Variants in RGS3 observed in about 807,000 individuals in gnomAD.
The protein encoded by RGS3 is regulator of G protein signaling 3.
A neutral mutation model predicts 132.6 loss-of-function variants in RGS3; 80 were observed. The ratio of observed to expected loss-of-function variants is 0.60; its 90% CI spans 0.50 to 0.73. The LOEUF (loss-of-function observed/expected upper bound fraction) is 0.73. Among genes scored for constraint, RGS3 ranks in the 30% least tolerant of loss-of-function variants. RGS3 has a pLI of 0.00. For missense variants in RGS3, 1,382 were observed against 1,530.8 expected (o/e 0.90, Z 1.62); for synonymous variants, 598 against 620.6 (o/e 0.96, Z 0.54).
At chr9:113,583,542 C>G (rs756586309) in exon 20 of RGS3, 1 of 1,614,192 alleles carries the variant, frequency 6.2e-7, no homozygotes, top group South Asian at 1.1e-5. Flanking sequence ...GCAAGGAGCC[C>G]TCTCCTGGCC....
Position 113,463,812 on chromosome 9 carries a change from T to C in RGS3, c.415+1611T>C. Reference sequence around the variant, plus strand: ...GTCGCAGTGGGACGCCATGGAGCGCTCCCTGCACCGCGTCTCCCTCGGGAG... The same window carrying C: ...GTCGCAGTGGGACGCCATGGAGCGCCCCCTGCACCGCGTCTCCCTCGGGAG... On this transcript the variant is annotated intron_variant, in intron 3 of 24. Coordinates refer to ENST00000350696, the Ensembl canonical transcript of RGS3. The surrounding 1 kb of genome is among the most constrained non-coding windows in gnomAD (Gnocchi z 4.6). 6.2e-7 allele frequency: 1 copy of C among 1,612,220 alleles called. No homozygotes were observed. Among genetic ancestry groups the C allele is most frequent in the African/African-American group, 1.3e-5 (1 of 74,972 alleles).
chr9:113,507,726 G>C lies in RGS3; in HGVS notation c.1437+88G>C. The C allele has an allele frequency of 8.8e-7, 1 of 1,134,014 alleles. No individual in the cohort carries two copies. The highest frequency in any genetic ancestry group is 1.2e-6 in the Non-Finnish European group (1 of 825,338). 70.2% of individuals were successfully genotyped at this position (1,134,014 alleles called of 1,614,324 possible). A position where few individuals can be genotyped will look rare whatever the true frequency, so the allele number is the denominator to read the frequency against. ...TTGAAGACCCAAAGTTGTGTGATGAGCAGCCTGTGAGGGGCTGCGATGTTG... is the reference window on the plus strand; with the variant it reads ...TTGAAGACCCAAAGTTGTGTGATGACCAGCCTGTGAGGGGCTGCGATGTTG... On this transcript the variant is annotated intron_variant, in intron 13 of 24. Coordinates refer to ENST00000350696, the Ensembl canonical transcript of RGS3. The surrounding 1 kb of genome is among the most constrained non-coding windows in gnomAD (Gnocchi z 5.0).
At position 113,584,784 on chromosome 9, in the gene RGS3, T is replaced by C. The variant is rs193156328; in HGVS notation, c.3015+357T>C. Among the ~76,000 whole-genome samples the C allele has an allele frequency of 1.2e-4, 18 of 152,366 alleles. No individual in the cohort carries two copies. In the East Asian group the frequency reaches 3.5e-3, roughly 29 times the overall value. ...ACAGCCTAGCCAGACTAGAAATCCA[T>C]CAGCCAGTCACAATGACAACACACA... On this transcript the variant is annotated intron_variant, in intron 20 of 24. Transcript: ENST00000350696.
At position 113,507,068 on chromosome 9, in the gene RGS3, C is replaced by T. The variant is rs1831160540; in HGVS notation, c.1086-219C>T. ...AAACTGGCCTGGCCTCAGGGTCCTT[C>T]TCAACCACTGCCCGTCAATAGGAAT... is the stretch of plus-strand genomic sequence containing the variant. On this transcript the variant is annotated intron_variant, in intron 12 of 24. Coordinates refer to ENST00000350696, the Ensembl canonical transcript of RGS3. This position sits in a 1 kb window ranked among gnomAD's most constrained non-coding sequence, Gnocchi z 5.0. Among the ~76,000 whole-genome samples the T allele has an allele frequency of 6.6e-6, 1 of 152,204 alleles. No homozygotes were observed. The highest frequency in any genetic ancestry group is 2.4e-5 in the African/African-American group (1 of 41,440).
chr9:113,488,727 G>T (rs144579473), intron 7 of RGS3, among the ~76,000 whole-genome samples: 2 of 152,216 alleles, frequency 1.3e-5, no homozygotes, highest in Non-Finnish European at 2.9e-5. Context: ...CCAAACTCAC[G>T]GTCACAGTCC....
chr9:113,592,460 A>G (rs1230376687), intron 21 of RGS3: 1 of 151,722 alleles, frequency 6.6e-6, no homozygotes, highest in Non-Finnish European at 1.5e-5. Context: ...CCTCCTTTCA[A>G]TGTAGGTGCT....
chr9:113,544,674 C>G (rs185717477), intron 19 of RGS3, among the ~76,000 whole-genome samples: 209 of 152,332 alleles, frequency 1.4e-3, no homozygotes, highest in African/African-American at 4.9e-3. Context: ...TGATCTCCCC[C>G]CAGCCTCCCA....
At chr9:113,541,738 G>A (rs559277093) in intron 19 of RGS3, 3 of 1,042,944 alleles carry the variant, frequency 2.9e-6, no homozygotes, top group African/African-American at 1.7e-5. Context: ...GGTGGCTCCC[G>A]GACCTGCCTT....
At chr9:113,555,447 G>A (rs1833529323) in intron 19 of RGS3, among the ~76,000 whole-genome samples, 1 of 151,752 alleles carries the variant, frequency 6.6e-6, no homozygotes, top group Non-Finnish European at 1.5e-5. Flanking sequence ...ATAATTGTCT[G>A]GAATTTCGGT....
chr9:113,508,723 C>T (rs1325298354), intron 14 of RGS3, 143 bp downstream of exon 12: 2 of 743,002 alleles, frequency 2.7e-6, no homozygotes, highest in South Asian at 3.3e-5. Context: ...GACTCTCTTT[C>T]CACGTGGTAC....
At chr9:113,514,868 C>A (rs1247101841) in intron 15 of RGS3, among the ~76,000 whole-genome samples, 2 of 152,112 alleles carry the variant, frequency 1.3e-5, no homozygotes, top group African/African-American at 2.4e-5. Context: ...GCCGGGATAG[C>A]CCAGTAAGGA....
intron 19 of RGS3, among the ~76,000 whole-genome samples, chr9:113,561,954 T>C (rs1395397852): frequency 2.0e-5 from 3 of 152,200 alleles, no homozygotes; most frequent in Admixed American, 1.3e-4. Context: ...GTCCTAGCCC[T>C]GGGAGCTGCT....
rs1833984514 is a variant in RGS3, at chr9:113,565,911, G to GTC, written c.2038-17538_2038-17537insCT. On this transcript the variant is annotated intron_variant, in intron 19 of 24. Transcript: ENST00000350696. The surrounding 1 kb of genome is among the most constrained non-coding windows in gnomAD (Gnocchi z 5.7). ...TGTGTGTGTGTGTGTGTGTGTGTGT[G>GTC]TGTGTCTGTCTGTCTGTCTGTCTCA... Among the ~76,000 whole-genome samples, 10 of 148,688 alleles carry GTC rather than the reference G, an allele frequency of 6.7e-5. No individual in the cohort carries two copies. Among genetic ancestry groups the GTC allele is most frequent in the African/African-American group, 2.2e-4 (9 of 40,736 alleles).
In RGS3 at chr9:113,539,029, T is replaced by G. The variant is rs189887369; in HGVS notation, c.2037+2111T>G. Reference sequence around the variant, plus strand: ...GCAACTTACTCCTTCTAGACACTTATGGAATGCTCCCTGAGAGGAATTCCA... The same window carrying G: ...GCAACTTACTCCTTCTAGACACTTAGGGAATGCTCCCTGAGAGGAATTCCA... On this transcript the variant is annotated intron_variant, in intron 19 of 24. Transcript: ENST00000350696. Among the ~76,000 whole-genome samples the G allele has an allele frequency of 5.3e-5, 8 of 152,354 alleles. No homozygotes were observed. The East Asian group carries it at 1.5e-3, about 29-fold the overall frequency.
chr9:113,481,180 T>C (rs1830147747), intron 4 of RGS3, among the ~76,000 whole-genome samples: 2 of 152,186 alleles, frequency 1.3e-5, no homozygotes, highest in African/African-American at 4.8e-5. Context: ...TATTTCCCCC[T>C]CCAGGAATCA....
intron 19 of RGS3, among the ~76,000 whole-genome samples, chr9:113,574,600 G>A (rs528924202): frequency 2.0e-5 from 3 of 152,338 alleles, no homozygotes; most frequent in South Asian, 2.1e-4. Context: ...GGACCTGCCC[G>A]GGGCCATGAC....
chr9:113,485,310 C>T (rs1292460298), intron 6 of RGS3, among the ~76,000 whole-genome samples: 1 of 152,038 alleles, frequency 6.6e-6, no homozygotes, highest in African/African-American at 2.4e-5. Context: ...AGGATGGTCT[C>T]GATCTCCTGA....
intron 10 of RGS3, among the ~76,000 whole-genome samples, chr9:113,504,095 G>C (rs986060483): frequency 6.6e-6 from 1 of 152,138 alleles, no homozygotes; most frequent in African/African-American, 2.4e-5. Flanking sequence ...CAGCTTCCAA[G>C]GCCCTTGGTC....
At chr9:113,524,776 G>C (rs1832124912) in intron 17 of RGS3, among the ~76,000 whole-genome samples, 1 of 152,220 alleles carries the variant, frequency 6.6e-6, no homozygotes. Context: ...GCAGCTGCTG[G>C]ACCATGCCTA....
Sources: allele counts gnomAD v4.1 joint callset (sites outside exome capture counted in the v4.1 genomes callset), GRCh38; gene constraint gnomAD v4.1.1; non-coding constraint Gnocchi (gnomAD v3.1); transcripts MANE v1.5; gene names NCBI Gene and HGNC (gene_info 2026-07-23, HGNC 2026-07-21).